The following TFG variants were observed in gnomAD, a reference collection of about 807,000 sequenced individuals.
TFG encodes the protein protein TFG.
In TFG, 22 loss-of-function variants were observed where a neutral mutation model predicts 51.4. The ratio of observed to expected loss-of-function variants is 0.43; its 90% CI spans 0.31 to 0.61. The LOEUF is 0.61. TFG is among the 20% of genes least tolerant of loss of function. The probability of loss-of-function intolerance (pLI) is 0.12; values close to 1 mark genes in which losing one functional copy is unlikely to be tolerated. For missense variants in TFG, 419 were observed against 487.7 expected (o/e 0.86, Z 1.33); for synonymous variants, 187 against 165.6 (o/e 1.13, Z -0.99).
chr3:100,729,202 C>A (rs935578947), intron 4 of TFG, among the ~76,000 whole-genome samples: 3 of 152,020 alleles, frequency 2.0e-5, no homozygotes, highest in Non-Finnish European at 4.4e-5. Flanking sequence ...GACACATGAA[C>A]CCTTTTTAGT....
At chr3:100,741,304 A>G (rs188296676) in intron 6 of TFG, among the ~76,000 whole-genome samples, 1 of 152,274 alleles carries the variant, frequency 6.6e-6, no homozygotes, top group Non-Finnish European at 1.5e-5. Flanking sequence ...GGGACAGGAT[A>G]TGGAGGTGGA....
chr3:100,715,255 T>C (rs1190205400), intron 2 of TFG, among the ~76,000 whole-genome samples: 2 of 152,230 alleles, frequency 1.3e-5, no homozygotes, highest in Non-Finnish European at 2.9e-5. Context: ...TGAAAGAAGC[T>C]GTTACCTTCA....
intron 3 of TFG, among the ~76,000 whole-genome samples, chr3:100,722,875 A>G (rs1243024410): frequency 1.3e-5 from 2 of 152,240 alleles, no homozygotes; most frequent in African/African-American, 2.4e-5. Flanking sequence ...GTCTTCATCA[A>G]GAAGGAAATT....
At chr3:100,715,403 G>C (rs1232959625) in intron 2 of TFG, among the ~76,000 whole-genome samples, 1 of 152,218 alleles carries the variant, frequency 6.6e-6, no homozygotes, top group Non-Finnish European at 1.5e-5. Context: ...TATGACATTG[G>C]TCAGTACCCA....
rs764626833 is a variant in TFG at position 100,748,507 on chromosome 3, C to G, written c.1179C>G (p.Thr393=). The part of the protein sequence containing the change: ...RNRPPFGQGY[T]QPGPGYR The stretch of plus-strand genomic sequence containing the variant: ...GTCCTCCCTTTGGTCAGGGCTATAC[C>G]CAACCTGGACCTGGTTATCGATAAG... Residue 393 remains threonine, a synonymous_variant, in exon 8 of 8, where the codon ACC becomes ACG. Coordinates refer to ENST00000240851, the MANE Select transcript of TFG (RefSeq NM_006070.6). 2 of 1,612,228 alleles carry G rather than the reference C, an allele frequency of 1.2e-6. No individual in the cohort carries two copies. Among genetic ancestry groups the G allele is most frequent in the South Asian group, 1.1e-5 (1 of 91,024 alleles).
chr3:100,712,283 A>T (rs924713150), intron 1 of TFG, among the ~76,000 whole-genome samples: 4 of 152,188 alleles, frequency 2.6e-5, no homozygotes, highest in Non-Finnish European at 5.9e-5. Context: ...TTTTTGAAGT[A>T]CTTGAAGGGT....
In TFG at chr3:100,728,849, C is replaced by G; in HGVS notation, c.406C>G (p.Pro136Ala). The G allele has an allele frequency of 6.2e-7, 1 of 1,603,952 alleles. No homozygotes were observed. Among genetic ancestry groups the G allele is most frequent in the Non-Finnish European group, 8.5e-7 (1 of 1,176,166 alleles). ...AGAACCAGGACCTTCCACCAATATT[C>G]CTGAAAATGGTAAACCCTGAATCCA... The part of the protein sequence containing the change: ...PGEPGPSTNI[P>A]ENDTVDGREE... The change falls in exon 4 of 8, where the codon CCT becomes GCT. Residue 136 changes from proline to alanine, a missense_variant. Physicochemically the swap from Pro to Ala is conservative, Grantham distance 27. Coordinates refer to ENST00000240851, the MANE Select transcript of TFG (RefSeq NM_006070.6).
chr3:100,714,243 T>TA lies in TFG; in HGVS notation c.184+376dup, dbSNP rs1467275254. ...GGCCGGGCGCAGCAGCTCATGCCTG[T>TA]AATCCCAGCACTTTGGGAGACCGAG... On this transcript the variant is annotated intron_variant, in intron 2 of 7. Coordinates refer to ENST00000240851, the MANE Select transcript of TFG (RefSeq NM_006070.6). Among the ~76,000 whole-genome samples the TA allele has an allele frequency of 2.6e-5, 4 of 151,528 alleles. No individual in the cohort carries two copies. In the East Asian group the frequency reaches 7.9e-4, roughly 30 times the overall value.
chr3:100,748,290 C>T lies in TFG; in HGVS notation c.962C>T (p.Ala321Val), dbSNP rs143129431. The T allele has an allele frequency of 6.2e-7, 1 of 1,614,052 alleles. No individual in the cohort carries two copies. ...LPAQPPQQYQASNYPAQTYTA... is the reference protein window; with the variant it reads ...LPAQPPQQYQVSNYPAQTYTA... ...GCTCAGCCGCCACAGCAGTACCAGG[C>T]GAGCAATTATCCTGCACAAACTTAC... The change falls in exon 8 of 8, where the codon GCG becomes GTG. Residue 321 changes from alanine (A) to valine (V), a missense_variant. Coordinates refer to ENST00000240851, the MANE Select transcript of TFG (RefSeq NM_006070.6).
At chr3:100,718,552 T>TG (rs2095052530) in intron 2 of TFG, among the ~76,000 whole-genome samples, 2 of 48,712 alleles carry the variant, frequency 4.1e-5, no homozygotes, top group Admixed American at 2.1e-4. Flanking sequence ...TTTCATGGTT[T>TG]TTTTTTTTTT....
At chr3:100,743,607 T>C (rs1576378367) in intron 6 of TFG, 1 of 152,166 alleles carries the variant, frequency 6.6e-6, no homozygotes. Flanking sequence ...CTTTTTTTAT[T>C]ATAAAGAAAC....
chr3:100,746,094 T>C (rs970785670), intron 7 of TFG, among the ~76,000 whole-genome samples: 1 of 152,218 alleles, frequency 6.6e-6, no homozygotes, highest in Admixed American at 6.5e-5. Context: ...TACATAGAAC[T>C]TAAGTTTGGA....
In TFG at chr3:100,728,810, T is replaced by C. The variant is rs781480581; in HGVS notation, c.367T>C (p.Leu123=). ...TAAAGTGAATCGTTTATTGGATAGCTTGGAACCACCTGGAGAACCAGGACC... is the reference window on the plus strand; with the variant it reads ...TAAAGTGAATCGTTTATTGGATAGCCTGGAACCACCTGGAGAACCAGGACC... ...RNKVNRLLDS[L]EPPGEPGPST... Residue 123 remains leucine, a synonymous_variant, in exon 4 of 8, where the codon TTG becomes CTG. Coordinates refer to ENST00000240851, the MANE Select transcript of TFG (RefSeq NM_006070.6). 1.2e-6 allele frequency: 2 copies of C among 1,611,316 alleles called. 1 individual carries two copies. Among genetic ancestry groups the C allele is most frequent in the South Asian group, 2.2e-5 (2 of 90,726 alleles).
chr3:100,711,636 A>G (rs940908296), intron 1 of TFG, among the ~76,000 whole-genome samples: 1 of 152,098 alleles, frequency 6.6e-6, no homozygotes. Context: ...TAAATTCTAT[A>G]TGTCAGGCAC....
At position 100,711,397 on chromosome 3, in the gene TFG, G is replaced by A. The variant is rs571508088; in HGVS notation, c.-44+1676G>A. On this transcript the variant is annotated intron_variant, in intron 1 of 7. Coordinates refer to ENST00000240851, the MANE Select transcript of TFG (RefSeq NM_006070.6). ...ATTACAGGTGTGAGCCACCGTGCCC[G>A]GCCCTCAAATTTTAAATCCATTGAA... is the stretch of plus-strand genomic sequence containing the variant. 5.3e-5 allele frequency among the ~76,000 whole-genome samples: 8 copies of A among 152,212 alleles called. No individual in the cohort carries two copies. The East Asian group carries it at 5.8e-4, about 11-fold the overall frequency.
intron 3 of TFG, among the ~76,000 whole-genome samples, chr3:100,721,044 ATATG>A (rs2095059504): frequency 6.6e-6 from 1 of 152,186 alleles, no homozygotes; most frequent in Admixed American, 6.5e-5. Context: ...GGAAGGATGA[ATATG>A]AATAATCAGA....
rs906146910 is a variant in TFG at position 100,748,685 on chromosome 3, C to T, written c.*154C>T. 1.1e-6 allele frequency: 1 copy of T among 925,148 alleles called. No individual in the cohort carries two copies. The highest frequency in any genetic ancestry group is 1.5e-6 in the Non-Finnish European group (1 of 656,992). The allele number at this position is 925,148 out of a possible 1,614,324, so 57.3% of individuals were successfully genotyped here. A position where few individuals can be genotyped will look rare whatever the true frequency, so the allele number is the denominator to read the frequency against. On this transcript the variant is annotated 3_prime_UTR_variant, in exon 8 of 8. Transcript: ENST00000240851. ...TGGTGTTAATTGAAAGTATAATTTG[C>T]TGGAACACAAAGACCAAAATGAAAG...
chr3:100,734,340 C>G (rs553948522), intron 5 of TFG, among the ~76,000 whole-genome samples: 1 of 152,110 alleles, frequency 6.6e-6, no homozygotes, highest in Non-Finnish European at 1.5e-5. Context: ...GAGATATCCT[C>G]GTCTGCTCTC....
chr3:100,722,285 G>T (rs1576360775), intron 3 of TFG, among the ~76,000 whole-genome samples: 1 of 152,196 alleles, frequency 6.6e-6, no homozygotes, highest in Non-Finnish European at 1.5e-5. Context: ...ATACTAAGTG[G>T]ATAGGTTAAA....
Sources: allele counts gnomAD v4.1 joint callset (sites outside exome capture counted in the v4.1 genomes callset), GRCh38; gene constraint gnomAD v4.1.1; transcripts MANE v1.5; gene names NCBI Gene and HGNC (gene_info 2026-07-23, HGNC 2026-07-21).